The following AMZ1 variants were observed in gnomAD, a reference collection of about 807,000 sequenced individuals.
The protein encoded by AMZ1 is archaelysin family metallopeptidase 1.
Under a neutral mutation model 29.9 loss-of-function variants are expected in AMZ1, and 39 were observed. That is an observed-to-expected ratio of 1.30 (90% CI 1.01 to 1.70). The LOEUF (loss-of-function observed/expected upper bound fraction) is 1.70, where lower values mean the gene tolerates loss of function less well. AMZ1 is among the 40% of genes most tolerant of loss of function. The pLI is 0.00. For synonymous variants in AMZ1, 458 were observed against 304.0 expected, an observed-to-expected ratio of 1.51 and a Z score of -5.27; for missense variants, 1,041 against 680.6, an observed-to-expected ratio of 1.53 and a Z score of -5.89.
chr7:2,686,906 G>A (rs1041194490), upstream of AMZ1, among the ~76,000 whole-genome samples: 2 of 151,576 alleles, frequency 1.3e-5, no homozygotes, highest in Admixed American at 6.6e-5. Flanking sequence ...ATAGAGACGG[G>A]GTTTGACCAT....
At chr7:2,725,753 A>C (rs1315590037) in intron 4 of AMZ1, among the ~76,000 whole-genome samples, 2 of 152,216 alleles carry the variant, frequency 1.3e-5, no homozygotes, top group African/African-American at 4.8e-5. Flanking sequence ...AGGCGGCTTC[A>C]GCTCCTTTCT....
Position 2,712,713 on chromosome 7 carries a change from G to C in AMZ1, c.1332G>C (p.Thr444=), listed in dbSNP as rs139047689. Residue 444 remains threonine, a synonymous_variant, in exon 7 of 7, where the codon ACG becomes ACC. Coordinates refer to ENST00000683327, the MANE Select transcript of AMZ1 (RefSeq NM_001384743.1). ...VDALDRWEMF[T]GQLPATRQDP... ...CCCTCGACCGCTGGGAGATGTTCAC[G>C]GGCCAGCTCCCGGCCACCAGGCAGG... 6.2e-7 allele frequency: 1 copy of C among 1,610,272 alleles called. No homozygotes were observed. The highest frequency in any genetic ancestry group is 1.3e-5 in the African/African-American group (1 of 74,898).
intron 1 of AMZ1, among the ~76,000 whole-genome samples, chr7:2,694,022 C>T (rs112822737): frequency 2.0e-5 from 3 of 152,296 alleles, no homozygotes; most frequent in African/African-American, 7.2e-5. Context: ...GGCCCAGCAC[C>T]CAGGAAGCCC....
rs545388949 is a variant in AMZ1, at chr7:2,741,655, T to C, written n.551-23057T>C. Among the ~76,000 whole-genome samples, 18 of 148,470 alleles carry C rather than the reference T, an allele frequency of 1.2e-4. No homozygotes were observed. In the South Asian group the frequency reaches 3.7e-3, roughly 30 times the overall value. On this transcript the variant is annotated intron_variant and non_coding_transcript_variant, in intron 4 of 4. Coordinates refer to the AMZ1 transcript ENST00000489665. ...TTCTCTAGATTCACCTGTTCACATC[T>C]TCTCTCATTTGCTTTATCCTTCGCT...
chr7:2,719,645 A>G lies in AMZ1; in HGVS notation c.*6767A>G, dbSNP rs1309942070. On this transcript the variant is annotated 3_prime_UTR_variant, in exon 7 of 7. Transcript: ENST00000683327. ...CTTTTCTATAATGCTTACATCTTAC[A>G]TTTTCATTCTCAAAATTAATAAATG... Among the ~76,000 whole-genome samples the G allele has an allele frequency of 6.6e-6, 1 of 151,452 alleles. No individual in the cohort carries two copies. The highest frequency in any genetic ancestry group is 1.9e-4 in the East Asian group (1 of 5,166).
At chr7:2,736,532 G>C (rs892947618) in intron 4 of AMZ1, among the ~76,000 whole-genome samples, 2 of 152,202 alleles carry the variant, frequency 1.3e-5, no homozygotes, top group Non-Finnish European at 2.9e-5. Context: ...CAGTGAAAGA[G>C]GGGTTGTCTG....
intron 4 of AMZ1, among the ~76,000 whole-genome samples, chr7:2,755,477 C>G (rs1342144512): frequency 2.0e-5 from 3 of 152,220 alleles, no homozygotes; most frequent in African/African-American, 7.2e-5. Context: ...TAAATTTACA[C>G]CACAGTATTT....
In AMZ1 at chr7:2,741,117, T is replaced by C. The variant is rs1473431630; in HGVS notation, n.551-23595T>C. Among the ~76,000 whole-genome samples the C allele has an allele frequency of 2.0e-5, 3 of 152,200 alleles. 1 individual carries two copies. In the East Asian group the frequency reaches 5.8e-4, roughly 29 times the overall value. On this transcript the variant is annotated intron_variant and non_coding_transcript_variant, in intron 4 of 4. Transcript: ENST00000489665. ...TATAGATTTAGATTCTTCATTTGTA[T>C]CACAGGGATCATCATAGAAAAATGA... is the stretch of plus-strand genomic sequence containing the variant.
intron 1 of AMZ1, among the ~76,000 whole-genome samples, chr7:2,695,097 C>T (rs1250046824): frequency 6.6e-6 from 1 of 152,224 alleles, no homozygotes; most frequent in Non-Finnish European, 1.5e-5. Flanking sequence ...TGGGTCTGTC[C>T]TCACGGCTCC....
At position 2,740,788 on chromosome 7, in the gene AMZ1, T is replaced by C. The variant is rs553376441; in HGVS notation, n.551-23924T>C. ...GGCTCGCCGCGGTGACTCATGCCTA[T>C]AATCCCAGCACTTTGGGAGGCCGAG... On this transcript the variant is annotated intron_variant and non_coding_transcript_variant, in intron 4 of 4. Transcript: ENST00000489665. Among the ~76,000 whole-genome samples the C allele has an allele frequency of 3.0e-4, 46 of 152,332 alleles. No homozygotes were observed. In the South Asian group the frequency reaches 3.9e-3, roughly 13 times the overall value.
intron 1 of AMZ1, among the ~76,000 whole-genome samples, chr7:2,689,452 T>G (rs1207656475): frequency 6.6e-6 from 1 of 152,192 alleles, no homozygotes; most frequent in Non-Finnish European, 1.5e-5. Context: ...CGTCTGAGTT[T>G]ACCCATGGTA....
intron 2 of AMZ1, chr7:2,702,345 G>T (rs538021012): frequency 3.3e-4 from 70 of 214,094 alleles, no homozygotes; most frequent in Non-Finnish European, 5.8e-4. Flanking sequence ...CCTGCTGTCT[G>T]CCCCAGTCAG....
upstream of AMZ1, among the ~76,000 whole-genome samples, chr7:2,684,132 C>G (rs1273990218): frequency 2.0e-5 from 3 of 151,916 alleles, no homozygotes; most frequent in African/African-American, 7.3e-5. Flanking sequence ...GAGCCAAGAT[C>G]ACGCCACTGC....
intron 4 of AMZ1, among the ~76,000 whole-genome samples, chr7:2,738,414 GGCTACGCACCGGC>G (rs1432884357): frequency 6.6e-6 from 1 of 152,200 alleles, no homozygotes; most frequent in African/African-American, 2.4e-5. Flanking sequence ...CGCAGTCAGG[GGCTACGCACCGGC>G]GAAGGAGAAG....
Position 2,732,037 on chromosome 7 carries a change from G to T in AMZ1, n.550+22221G>T, listed in dbSNP as rs190073132. 1.3e-3 allele frequency among the ~76,000 whole-genome samples: 197 copies of T among 152,224 alleles called. 1 individual carries two copies. Among genetic ancestry groups the T allele is most frequent in the African/African-American group, 4.5e-3 (187 of 41,542 alleles). The stretch of plus-strand genomic sequence containing the variant: ...AACCACATCCATTTTCTTCTCCAGA[G>T]GAAATTTACCATCTTTTTTGTTTCC... On this transcript the variant is annotated intron_variant and non_coding_transcript_variant, in intron 4 of 4. Transcript: ENST00000489665.
chr7:2,686,273 C>G (rs1787074998), upstream of AMZ1, among the ~76,000 whole-genome samples: 1 of 152,184 alleles, frequency 6.6e-6, no homozygotes, highest in African/African-American at 2.4e-5. Context: ...TGGCTCATAC[C>G]TGTGATCTCA....
At chr7:2,680,616 G>C (rs1011102199) in intron 1 of AMZ1, among the ~76,000 whole-genome samples, 1 of 152,244 alleles carries the variant, frequency 6.6e-6, no homozygotes, top group Non-Finnish European at 1.5e-5. Flanking sequence ...CGACTATGTG[G>C]GAGGTGGAGG....
Position 2,714,931 on chromosome 7 carries a change from G to A in AMZ1, c.*2053G>A, listed in dbSNP as rs1789031036. ...GGGACAAGTATGTGTTGATTTCAGA[G>A]AAGCTCAGATGTAGCATTAGGACCT... On this transcript the variant is annotated 3_prime_UTR_variant, in exon 7 of 7. Transcript: ENST00000683327. 1 of 152,306 alleles carries A rather than the reference G, an allele frequency of 6.6e-6. No individual in the cohort carries two copies. The highest frequency in any genetic ancestry group is 2.4e-5 in the African/African-American group (1 of 41,424). 9.4% of individuals were successfully genotyped at this position (152,306 alleles called of 1,614,324 possible).
At chr7:2,694,232 G>C (rs565720553) in intron 1 of AMZ1, among the ~76,000 whole-genome samples, 1 of 152,350 alleles carries the variant, frequency 6.6e-6, no homozygotes, top group South Asian at 2.1e-4. Context: ...AGACGGCAGA[G>C]GGAGGAGGAG....
Sources: allele counts gnomAD v4.1 joint callset (sites outside exome capture counted in the v4.1 genomes callset), GRCh38; gene constraint gnomAD v4.1.1; transcripts MANE v1.5; gene names NCBI Gene and HGNC (gene_info 2026-07-23, HGNC 2026-07-21).